Variants in SLC25A19 observed in about 807,000 individuals in gnomAD.
SLC25A19 encodes solute carrier family 25 member 19, also known as mitochondrial thiamine pyrophosphate carrier.
SLC25A19 carries 18 observed loss-of-function variants against 27.9 expected under a neutral mutation model. That is an observed-to-expected ratio of 0.64 (90% confidence interval 0.45 to 0.96). The LOEUF is 0.96. SLC25A19 is among the 40% of genes least tolerant of loss of function. The probability of loss-of-function intolerance (pLI) is 0.00; values close to 1 mark genes in which losing one functional copy is unlikely to be tolerated. For missense variants in SLC25A19, 371 were observed against 418.3 expected (o/e 0.89, Z 0.99); for synonymous variants, 169 against 167.1 (o/e 1.01, Z -0.09).
chr17:75,275,624 G>A (rs2077864002), intron 7 of SLC25A19, among the ~76,000 whole-genome samples: 1 of 152,062 alleles, frequency 6.6e-6, no homozygotes, highest in African/African-American at 2.4e-5. Context: ...CTTAGCACGG[G>A]GCTTCTCTTA....
In SLC25A19 at chr17:75,273,919, C is replaced by T. The variant is rs906161624; in HGVS notation, c.775-280G>A. 8 of 386,134 alleles carry T rather than the reference C, an allele frequency of 2.1e-5. No homozygotes were observed. The East Asian group carries it at 5.0e-4, about 24-fold the overall frequency. The allele number at this position is 386,134 out of a possible 1,614,324, so 23.9% of individuals were successfully genotyped here. On this transcript the variant is annotated intron_variant, in intron 7 of 7. Coordinates refer to ENST00000416858, the MANE Select transcript of SLC25A19 (RefSeq NM_001126121.2). ...GGGATTACAGGCACACAACACCACG[C>T]CTGGCTAATTTTTTGTATTTTTAGT...
chr17:75,283,319 C>T, intron 5 of SLC25A19, 104 bp downstream of exon 5: 2 of 1,287,002 alleles, frequency 1.6e-6, no homozygotes, highest in Non-Finnish European at 2.1e-6. Context: ...CAAAACAGAA[C>T]AAAACAAAAA....
intron 7 of SLC25A19, among the ~76,000 whole-genome samples, chr17:75,277,006 T>A (rs1348368706): frequency 1.3e-5 from 2 of 149,324 alleles, no homozygotes; most frequent in Non-Finnish European, 3.0e-5. Flanking sequence ...AGAGCAGAAA[T>A]TGTGCTAGGT....
intron 5 of SLC25A19, among the ~76,000 whole-genome samples, chr17:75,282,439 A>G (rs1175363183): frequency 6.6e-6 from 1 of 152,176 alleles, no homozygotes; most frequent in Non-Finnish European, 1.5e-5. Context: ...AATCCCAGCT[A>G]CTGGGAGGCG....
intron 2 of SLC25A19, chr17:75,287,255 A>T (rs1186026152): frequency 5.7e-6 from 1 of 176,640 alleles, no homozygotes; most frequent in Non-Finnish European, 1.2e-5. Context: ...CTGTCACTTA[A>T]CAGGTGCAGG....
chr17:75,276,275 C>CAAAACA (rs1216853258), intron 7 of SLC25A19, among the ~76,000 whole-genome samples: 14 of 152,162 alleles, frequency 9.2e-5, no homozygotes, highest in Non-Finnish European at 5.9e-5. Flanking sequence ...AACTCCGTTT[C>CAAAACA]AAAACAAAAA....
chr17:75,277,463 A>G lies in SLC25A19; in HGVS notation c.664T>C (p.Cys222Arg). The change falls in exon 7 of 8, where the codon TGT becomes CGT. Residue 222 changes from cysteine (C) to arginine (R), a missense_variant. Physicochemically the swap from Cys to Arg is radical, Grantham distance 180 (BLOSUM62 -3). Coordinates refer to ENST00000416858, the MANE Select transcript of SLC25A19 (RefSeq NM_001126121.2). The stretch of plus-strand genomic sequence containing the variant: ...CTGATGACACCAGCTCCACTGCCAC[A>G]AAGCAGGTTTTGGAGGTTCTCTGAA... The part of the protein sequence containing the change: ...KKNENLQNLL[C>R]GSGAGVISKT... 1.2e-6 allele frequency: 2 copies of G among 1,614,042 alleles called. No homozygotes were observed. The highest frequency in any genetic ancestry group is 8.5e-7 in the Non-Finnish European group (1 of 1,179,954).
intron 1 of SLC25A19, chr17:75,289,009 C>T (rs1598202045): frequency 1.3e-5 from 2 of 152,276 alleles, no homozygotes; most frequent in African/African-American, 4.8e-5. Context: ...CCGGAGCATA[C>T]CAGGCTCTTC....
intron 7 of SLC25A19, chr17:75,274,037 C>T: frequency 6.7e-6 from 2 of 299,334 alleles, no homozygotes; most frequent in South Asian, 6.1e-5. Context: ...GCTGGGATTA[C>T]AGGCATGGAC....
At chr17:75,283,288 G>A (rs1368008667) in intron 5 of SLC25A19, 135 bp downstream of exon 5, 6 of 981,686 alleles carry the variant, frequency 6.1e-6, no homozygotes, top group Non-Finnish European at 7.2e-6. Flanking sequence ...ATGACAGAGC[G>A]AGATTCTGTC....
At chr17:75,277,761 T>C (rs2145743010) in intron 6 of SLC25A19, among the ~76,000 whole-genome samples, 1 of 152,050 alleles carries the variant, frequency 6.6e-6, no homozygotes, top group East Asian at 1.9e-4. Context: ...GCAGCATGAC[T>C]CAGTTCAGGG....
At position 75,286,760 on chromosome 17, in the gene SLC25A19, A is replaced by ACCATC; in HGVS notation, c.-1_4dup (p.Val2GlyfsTer33). The ACCATC allele has an allele frequency of 1.2e-6, 2 of 1,614,156 alleles. No individual in the cohort carries two copies. Among genetic ancestry groups the ACCATC allele is most frequent in the Non-Finnish European group, 1.7e-6 (2 of 1,180,020 alleles). ...GCCATCTGGTTTGGGGTCATAGCCAACCATCCCTGCCTCTGGCCCACACAA... is the reference window on the plus strand; with the variant it reads ...GCCATCTGGTTTGGGGTCATAGCCAACCATCCCATCCCTGCCTCTGGCCCACACAA... On this transcript the variant is annotated frameshift_variant, in exon 3 of 8. Transcript: ENST00000416858. LOFTEE classifies it high-confidence loss of function.
At chr17:75,278,708 G>A (rs545826895) in intron 5 of SLC25A19, among the ~76,000 whole-genome samples, 6 of 152,266 alleles carry the variant, frequency 3.9e-5, no homozygotes, top group Admixed American at 2.6e-4. Flanking sequence ...GAGGCCAGGC[G>A]CGGTGGCTCA....
chr17:75,277,297 C>G, intron 7 of SLC25A19, 56 bp downstream of exon 7: 2 of 1,602,088 alleles, frequency 1.2e-6, no homozygotes, highest in Non-Finnish European at 1.7e-6. Context: ...CTGGTTCCCT[C>G]ATGTGCCCAG....
At chr17:75,282,871 T>A (rs2078075343) in intron 5 of SLC25A19, among the ~76,000 whole-genome samples, 3 of 144,976 alleles carry the variant, frequency 2.1e-5, no homozygotes, top group African/African-American at 5.1e-5. Context: ...AATAAATAAC[T>A]AAAAATAAAA....
chr17:75,274,973 C>CTTTTTTTTTTTTTT, intron 7 of SLC25A19, among the ~76,000 whole-genome samples: 1 of 47,174 alleles, frequency 2.1e-5, no homozygotes, highest in Non-Finnish European at 3.7e-5. Context: ...GGATTTTGGT[C>CTTTTTTTTTTTTTT]TTTTTTTTTT....
At chr17:75,280,581 G>A (rs1012365391) in intron 5 of SLC25A19, among the ~76,000 whole-genome samples, 1 of 152,156 alleles carries the variant, frequency 6.6e-6, no homozygotes, top group Non-Finnish European at 1.5e-5. Flanking sequence ...TTGGGAGGCA[G>A]AGATGGGTGG....
intron 5 of SLC25A19, among the ~76,000 whole-genome samples, chr17:75,279,270 T>C (rs1182323967): frequency 6.6e-6 from 1 of 152,080 alleles, no homozygotes; most frequent in Non-Finnish European, 1.5e-5. Context: ...TTTTTAAAAT[T>C]ATAATTCATG....
At chr17:75,288,855 C>A (rs2078245071) in intron 1 of SLC25A19, among the ~76,000 whole-genome samples, 1 of 152,126 alleles carries the variant, frequency 6.6e-6, no homozygotes, top group Non-Finnish European at 1.5e-5. Flanking sequence ...AGTTTAAACA[C>A]GCGGCAAGCG....
Sources: gnomAD v4.1 joint callset for allele counts (sites outside exome capture counted in the v4.1 genomes callset) on GRCh38, gnomAD v4.1.1 for gene constraint, MANE v1.5 for transcripts, NCBI Gene and HGNC (gene_info 2026-07-23, HGNC 2026-07-21) for gene names.